The following GLIS3 variants were observed in gnomAD, a reference collection of about 807,000 sequenced individuals.
GLIS3 encodes GLIS family zinc finger 3, also known as zinc finger protein GLIS3.
GLIS3 carries 53 observed loss-of-function variants against 78.6 expected under a neutral mutation model. The ratio of observed to expected loss-of-function variants is 0.67; its 90% CI spans 0.54 to 0.85. GLIS3 has a LOEUF of 0.85. Among genes scored for constraint, GLIS3 ranks in the 40% least tolerant of loss-of-function variants. The pLI, the probability that GLIS3 is intolerant of heterozygous loss-of-function variation, is 0.00. For missense variants in GLIS3, 1,703 were observed against 1,231.1 expected (o/e 1.38, Z -5.74); for synonymous variants, 684 against 509.9 (o/e 1.34, Z -4.60).
intron 2 of GLIS3, among the ~76,000 whole-genome samples, chr9:4,205,164 C>T (rs976535279): frequency 1.8e-4 from 20 of 113,968 alleles, no homozygotes; most frequent in Non-Finnish European, 2.6e-4. Context: ...GGTGACAGAA[C>T]GAGACTCTGT....
intron 4 of GLIS3, among the ~76,000 whole-genome samples, chr9:4,078,123 T>C (rs1036924708): frequency 6.6e-6 from 1 of 152,222 alleles, no homozygotes; most frequent in African/African-American, 2.4e-5. Flanking sequence ...ATGAATTATC[T>C]CTGGCCTAAG....
chr9:4,382,450 A>C, the GLIS3 span, among the ~76,000 whole-genome samples: 1 of 152,146 alleles, frequency 6.6e-6, no homozygotes, highest in Non-Finnish European at 1.5e-5. Context: ...TTTCACACAA[A>C]TCTACAAGAA....
chr9:3,913,137 G>C (rs529430115), intron 6 of GLIS3, among the ~76,000 whole-genome samples: 2 of 152,130 alleles, frequency 1.3e-5, no homozygotes, highest in Non-Finnish European at 2.9e-5. Context: ...TAGGAAGTGT[G>C]GGGAGGGACT....
At chr9:4,480,912 A>G in the GLIS3 span, among the ~76,000 whole-genome samples, 1 of 150,868 alleles carries the variant, frequency 6.6e-6, no homozygotes, top group Admixed American at 6.6e-5. Context: ...AGAGTACAGT[A>G]GCTTGATCTC....
In GLIS3 at chr9:4,243,299, T is replaced by C. The variant is rs140297852; in HGVS notation, c.388+42739A>G. On this transcript the variant is annotated intron_variant, in intron 2 of 10. Transcript: ENST00000381971. ...GGCCAGAAAGGATCAGTCAGAGTGA[T>C]TGAGGTGAGAGGGTATCAAAAAATC... 1.2e-4 allele frequency among the ~76,000 whole-genome samples: 19 copies of C among 152,232 alleles called. 1 individual carries two copies. Among genetic ancestry groups the C allele is most frequent in the African/African-American group, 3.9e-4 (16 of 41,538 alleles).
chr9:4,149,388 G>C (rs1407005930), intron 2 of GLIS3, among the ~76,000 whole-genome samples: 1 of 152,156 alleles, frequency 6.6e-6, no homozygotes, highest in Non-Finnish European at 1.5e-5. Context: ...AACACACACA[G>C]ATGGCTATGA....
At chr9:4,225,731 T>G (rs1319615508) in intron 2 of GLIS3, among the ~76,000 whole-genome samples, 1 of 152,210 alleles carries the variant, frequency 6.6e-6, no homozygotes, top group Non-Finnish European at 1.5e-5. Flanking sequence ...TTGACATTGC[T>G]AATGTATGAG....
chr9:3,847,913 A>G (rs937560975), intron 9 of GLIS3, among the ~76,000 whole-genome samples: 1 of 152,216 alleles, frequency 6.6e-6, no homozygotes, highest in African/African-American at 2.4e-5. Context: ...CATGGCTGAT[A>G]TGGAAAATTA....
At chr9:4,046,260 T>A (rs902287413) in intron 4 of GLIS3, among the ~76,000 whole-genome samples, 1 of 152,190 alleles carries the variant, frequency 6.6e-6, no homozygotes, top group African/African-American at 2.4e-5. Flanking sequence ...ACCTGCCCAG[T>A]TGAACATTTT....
At chr9:4,287,537 G>T (rs1828107272) in intron 1 of GLIS3, among the ~76,000 whole-genome samples, 1 of 152,172 alleles carries the variant, frequency 6.6e-6, no homozygotes. Flanking sequence ...ATGTATTATA[G>T]ACACTGTCAC....
chr9:4,007,409 TCCTTAC>T (rs1821638421), intron 4 of GLIS3, among the ~76,000 whole-genome samples: 1 of 152,114 alleles, frequency 6.6e-6, no homozygotes, highest in African/African-American at 2.4e-5. Context: ...AAGGTCCCCT[TCCTTAC>T]CCTGGTACCA....
intron 2 of GLIS3, among the ~76,000 whole-genome samples, chr9:4,195,131 G>C (rs897846627): frequency 6.6e-6 from 1 of 152,234 alleles, no homozygotes; most frequent in Non-Finnish European, 1.5e-5. Context: ...CCAACTGAGA[G>C]GTGACAACAT....
chr9:3,957,548 G>A (rs919829575), intron 4 of GLIS3, among the ~76,000 whole-genome samples: 2 of 152,280 alleles, frequency 1.3e-5, no homozygotes, highest in East Asian at 3.9e-4. Context: ...TACCACCAGG[G>A]CAGTACTGAC....
At chr9:4,369,231 G>C in the GLIS3 span, among the ~76,000 whole-genome samples, 1 of 151,874 alleles carries the variant, frequency 6.6e-6, no homozygotes, top group Non-Finnish European at 1.5e-5. Context: ...TAGATCTTCC[G>C]AAGAAGTGTT....
intron 2 of GLIS3, among the ~76,000 whole-genome samples, chr9:4,322,500 T>A (rs1035060336): frequency 1.8e-4 from 27 of 152,226 alleles, no homozygotes; most frequent in Admixed American, 1.2e-3. Flanking sequence ...ATGGTTCAAC[T>A]AGTTTACACT....
At chr9:3,956,157 C>T (rs1445862433) in intron 4 of GLIS3, among the ~76,000 whole-genome samples, 2 of 151,664 alleles carry the variant, frequency 1.3e-5, no homozygotes, top group East Asian at 3.9e-4. Flanking sequence ...TATAAGCTGA[C>T]TTCCATTCTT....
At chr9:4,066,446 T>C (rs1020742311) in intron 4 of GLIS3, among the ~76,000 whole-genome samples, 5 of 152,146 alleles carry the variant, frequency 3.3e-5, no homozygotes, top group Non-Finnish European at 7.4e-5. Flanking sequence ...AACAAGAGTA[T>C]AAAAGCAACT....
At chr9:4,419,305 A>G in the GLIS3 span, among the ~76,000 whole-genome samples, 10 of 152,178 alleles carry the variant, frequency 6.6e-5, no homozygotes, top group Admixed American at 6.5e-4. Flanking sequence ...CATTGCTACA[A>G]AGAAATACCT....
the GLIS3 span, among the ~76,000 whole-genome samples, chr9:4,430,259 T>C: frequency 2.1e-4 from 32 of 152,340 alleles, no homozygotes; most frequent in South Asian, 6.4e-3. Context: ...CATGAGAATA[T>C]GGGTCCAGTA....
Sources: gnomAD v4.1 joint callset for allele counts (sites outside exome capture counted in the v4.1 genomes callset) on GRCh38, gnomAD v4.1.1 for gene constraint, MANE v1.5 for transcripts, NCBI Gene and HGNC (gene_info 2026-07-23, HGNC 2026-07-21) for gene names.